Variants in NDST4 observed in about 807,000 individuals in gnomAD.
NDST4 encodes N-heparan sulfate sulfotransferase 4.
NDST4 carries 63 observed loss-of-function variants against 100.8 expected under a neutral mutation model. That is an observed-to-expected ratio of 0.62 (90% CI 0.51 to 0.77). NDST4 has a LOEUF of 0.77. Among genes scored for constraint, NDST4 ranks in the 30% least tolerant of loss-of-function variants. The probability of loss-of-function intolerance (pLI) is 0.00; values close to 1 mark genes in which losing one functional copy is unlikely to be tolerated. For synonymous variants in NDST4, 377 were observed against 361.8 expected (o/e 1.04, Z -0.48); for missense variants, 943 against 1,018.4 (o/e 0.93, Z 1.01).
At chr4:115,064,420 G>A (rs1179138427) in intron 2 of NDST4, among the ~76,000 whole-genome samples, 2 of 151,992 alleles carry the variant, frequency 1.3e-5, no homozygotes, top group Non-Finnish European at 2.9e-5. Context: ...CTAAGTTTAG[G>A]AATATTTGTG....
chr4:114,858,476 G>C (rs4404563), intron 7 of NDST4, among the ~76,000 whole-genome samples: 40,096 of 152,002 alleles, frequency 0.26, 7,973 homozygotes, highest in African/African-American at 0.56. Context: ...ACATACCCCA[G>C]TTTCTACAAG....
intron 2 of NDST4, among the ~76,000 whole-genome samples, chr4:115,034,162 C>T (rs557392037): frequency 3.3e-5 from 5 of 152,176 alleles, no homozygotes; most frequent in African/African-American, 1.2e-4. Context: ...GTAGCAGGTT[C>T]ACATTTCCTG....
chr4:114,881,953 TA>T (rs1176165617), intron 6 of NDST4, among the ~76,000 whole-genome samples: 16 of 146,588 alleles, frequency 1.1e-4, no homozygotes, highest in African/African-American at 2.2e-4. Context: ...TATTTAGATA[TA>T]TTTTTTTTAA....
chr4:115,003,542 G>A (rs1402573389), intron 2 of NDST4, among the ~76,000 whole-genome samples: 1 of 152,020 alleles, frequency 6.6e-6, no homozygotes, highest in Non-Finnish European at 1.5e-5. Context: ...AAATTTTTAA[G>A]AATAAATTTA....
intron 6 of NDST4, among the ~76,000 whole-genome samples, chr4:114,931,584 G>T (rs565705917): frequency 1.3e-5 from 2 of 151,692 alleles, no homozygotes; most frequent in African/African-American, 4.8e-5. Context: ...TTTTTAAAAA[G>T]ATAAATAAAA....
chr4:114,832,065 T>G (rs1467195772), intron 12 of NDST4, among the ~76,000 whole-genome samples: 2 of 152,226 alleles, frequency 1.3e-5, no homozygotes, highest in African/African-American at 4.8e-5. Flanking sequence ...CCTTCAAAAG[T>G]GTAATTTTAC....
intron 2 of NDST4, among the ~76,000 whole-genome samples, chr4:114,993,180 CTTA>C (rs1727077582): frequency 6.6e-6 from 1 of 151,644 alleles, no homozygotes. Context: ...AATATTTTTG[CTTA>C]TTATTCTTTT....
At chr4:115,080,384 A>C (rs1729276187) in intron 1 of NDST4, among the ~76,000 whole-genome samples, 1 of 152,036 alleles carries the variant, frequency 6.6e-6, no homozygotes, top group African/African-American at 2.4e-5. Flanking sequence ...TGATCCACCC[A>C]CCTCGGCCTC....
Position 114,871,803 on chromosome 4 carries a change from AATTG to A in NDST4, c.1537-857_1537-854del, listed in dbSNP as rs1402949864. On this transcript the variant is annotated intron_variant, in intron 6 of 13. Coordinates refer to ENST00000264363, the MANE Select transcript of NDST4 (RefSeq NM_022569.3). ...TCAATTTCATGATATTTTCAAATTT[AATTG>A]TCTTAAAAATTCATTTTACTATTTA... Among the ~76,000 whole-genome samples, 10 of 152,152 alleles carry A rather than the reference AATTG, an allele frequency of 6.6e-5. 1 individual carries two copies. The highest frequency in any genetic ancestry group is 4.6e-4 in the Admixed American group (7 of 15,252).
rs1724896731 is a variant in NDST4 at position 114,903,872 on chromosome 4, G to C, written c.1536+31334C>G. Reference sequence around the variant, plus strand: ...AACCTCCAATATCTGGTAATCTCTAGATTTTTGACATGCATAGGAATTTTT... The same window carrying C: ...AACCTCCAATATCTGGTAATCTCTACATTTTTGACATGCATAGGAATTTTT... On this transcript the variant is annotated intron_variant, in intron 6 of 13. Transcript: ENST00000264363. Among the ~76,000 whole-genome samples, 4 of 152,042 alleles carry C rather than the reference G, an allele frequency of 2.6e-5. No individual in the cohort carries two copies. The South Asian group carries it at 8.3e-4, about 32-fold the overall frequency.
intron 7 of NDST4, among the ~76,000 whole-genome samples, chr4:114,855,889 G>A (rs919599285): frequency 1.3e-5 from 2 of 152,104 alleles, no homozygotes; most frequent in African/African-American, 2.4e-5. Context: ...AAGAATGATC[G>A]TTTTTGATAT....
chr4:114,899,698 T>C (rs1316968050), intron 6 of NDST4, among the ~76,000 whole-genome samples: 2 of 152,172 alleles, frequency 1.3e-5, no homozygotes, highest in African/African-American at 4.8e-5. Context: ...TTCCACTGGA[T>C]CATGGTCTTT....
intron 2 of NDST4, among the ~76,000 whole-genome samples, chr4:114,986,954 T>C (rs1272703957): frequency 1.3e-5 from 2 of 151,348 alleles, no homozygotes; most frequent in African/African-American, 4.8e-5. Flanking sequence ...TTGTGTGGCA[T>C]AATTATTTCC....
chr4:114,970,000 G>A (rs1726473823), intron 4 of NDST4, among the ~76,000 whole-genome samples: 1 of 151,978 alleles, frequency 6.6e-6, no homozygotes, highest in South Asian at 2.1e-4. Flanking sequence ...TTTAATAACT[G>A]TTATTCTGAT....
intron 3 of NDST4, among the ~76,000 whole-genome samples, chr4:114,972,601 A>G (rs953602926): frequency 1.3e-5 from 2 of 152,150 alleles, no homozygotes; most frequent in African/African-American, 4.8e-5. Context: ...TGAGGTGTTT[A>G]TATGTTTCTC....
intron 6 of NDST4, among the ~76,000 whole-genome samples, chr4:114,908,027 A>G (rs1054288247): frequency 6.6e-6 from 1 of 152,202 alleles, no homozygotes; most frequent in African/African-American, 2.4e-5. Flanking sequence ...GCTTAACAAA[A>G]TATATCCCTG....
intron 2 of NDST4, among the ~76,000 whole-genome samples, chr4:114,985,468 G>A (rs1468258882): frequency 3.3e-5 from 5 of 152,110 alleles, no homozygotes; most frequent in African/African-American, 9.7e-5. Context: ...CTTTTACTAT[G>A]TGTTAGGTGA....
At chr4:114,877,098 G>C (rs753986992) in intron 6 of NDST4, among the ~76,000 whole-genome samples, 1 of 151,106 alleles carries the variant, frequency 6.6e-6, no homozygotes, top group East Asian at 1.9e-4. Context: ...GCGTGCACGC[G>C]CGCAAGCCTG....
chr4:114,932,923 C>A (rs1248664148), intron 6 of NDST4, among the ~76,000 whole-genome samples: 1 of 151,986 alleles, frequency 6.6e-6, no homozygotes, highest in Non-Finnish European at 1.5e-5. Flanking sequence ...ATTCAATGAA[C>A]TTTCTATCAA....
Sources: gnomAD v4.1 joint callset for allele counts (sites outside exome capture counted in the v4.1 genomes callset) on GRCh38, gnomAD v4.1.1 for gene constraint, MANE v1.5 for transcripts, NCBI Gene and HGNC (gene_info 2026-07-23, HGNC 2026-07-21) for gene names.